NOSIP: variants seen among roughly 807,000 people sequenced by gnomAD.
The protein encoded by NOSIP is nitric oxide synthase-interacting protein.
NOSIP carries 25 observed loss-of-function variants against 36.4 expected under a neutral mutation model. The ratio of observed to expected loss-of-function variants is 0.69; its 90% confidence interval spans 0.50 to 0.96. The LOEUF is 0.96. Ranked by LOEUF, NOSIP falls within the 40% of genes least tolerant of loss-of-function variation. The pLI is 0.00. For missense variants in NOSIP, 370 were observed against 429.0 expected, an observed-to-expected ratio of 0.86 and a Z score of 1.21; for synonymous variants, 187 against 179.2, an observed-to-expected ratio of 1.04 and a Z score of -0.35.
intron 1 of NOSIP, among the ~76,000 whole-genome samples, chr19:49,572,708 T>G (rs1351255176): frequency 1.3e-5 from 2 of 151,756 alleles, no homozygotes; most frequent in Non-Finnish European, 2.9e-5. Flanking sequence ...GAGCAGTGGC[T>G]CACGCCTGTA....
At position 49,560,424 on chromosome 19, in the gene NOSIP, C is replaced by A. The variant is rs564765771; in HGVS notation, c.70+198G>T. The A allele has an allele frequency of 1.7e-6, 1 of 603,442 alleles. No individual in the cohort carries two copies. The highest frequency in any genetic ancestry group is 3.0e-6 in the Non-Finnish European group (1 of 335,378). The allele number at this position is 603,442 out of a possible 1,614,324, so 37.4% of individuals were successfully genotyped here. On this transcript the variant is annotated intron_variant, in intron 2 of 8. Coordinates refer to ENST00000596358, the MANE Select transcript of NOSIP (RefSeq NM_001270960.2). The surrounding 1 kb of genome is among the most constrained non-coding windows in gnomAD (Gnocchi z 4.6). The stretch of plus-strand genomic sequence containing the variant: ...CTCTGTTGGGAGGAGTGAGTTCATG[C>A]GCAGAAGGCAGAGAACACAGTGCCG...
intron 1 of NOSIP, among the ~76,000 whole-genome samples, chr19:49,561,277 A>G (rs1324251756): frequency 6.6e-6 from 1 of 152,180 alleles, no homozygotes; most frequent in Non-Finnish European, 1.5e-5. Context: ...AGGTCAGAGT[A>G]GGGCTCTGTG....
chr19:49,578,903 A>G (rs10418197), intron 1 of NOSIP, among the ~76,000 whole-genome samples: 42,662 of 151,664 alleles, frequency 0.28, 6,662 homozygotes, highest in South Asian at 0.43. Context: ...GATTACAGGC[A>G]TGAGCCACTG....
chr19:49,557,237 G>T lies in NOSIP; in HGVS notation c.271C>A (p.Gln91Lys). 6.3e-7 allele frequency: 1 copy of T among 1,588,668 alleles called. No individual in the cohort carries two copies. The highest frequency in any genetic ancestry group is 8.6e-7 in the Non-Finnish European group (1 of 1,168,482). The change falls in exon 5 of 9, where the codon CAG (glutamine) becomes AAG (lysine). Residue 91 changes from glutamine to lysine, a missense_variant. Around this residue, in one of 3 missense-constraint regions of NOSIP, gnomAD observed 315 missense variants for 331.9 expected, o/e 0.95. Transcript: ENST00000596358. ...TGCTCCTCGCGCCGGGTGCCCCGCT[G>T]CTTCTCGTAGGCCTGCGTCGGGGAA... ...IARQMKAYEK[Q>K]RGTRREEQKE...
At chr19:49,577,720 G>A (rs1007697417) in intron 1 of NOSIP, among the ~76,000 whole-genome samples, 2 of 120,830 alleles carry the variant, frequency 1.7e-5, no homozygotes, top group African/African-American at 3.2e-5. Context: ...AGCCATGATC[G>A]AACCACTGCA....
intron 1 of NOSIP, among the ~76,000 whole-genome samples, chr19:49,571,129 C>T (rs537021503): frequency 2.0e-5 from 3 of 150,634 alleles, no homozygotes; most frequent in Admixed American, 6.6e-5. Flanking sequence ...GGCGCCCACG[C>T]CCAGCTAATT....
rs546674882 is a variant in NOSIP, at chr19:49,574,645, G to A, written c.-2+5870C>T. 1.2e-4 allele frequency among the ~76,000 whole-genome samples: 19 copies of A among 152,230 alleles called. No homozygotes were observed. The East Asian group carries it at 3.3e-3, about 26-fold the overall frequency. On this transcript the variant is annotated intron_variant, in intron 1 of 8. Coordinates refer to ENST00000596358, the MANE Select transcript of NOSIP (RefSeq NM_001270960.2). Reference sequence around the variant, plus strand: ...TCTAAGTTCAGGCTACCAGCATTGTGGGGTTCTGGTGACACCCTCTTCCTG... The same window carrying A: ...TCTAAGTTCAGGCTACCAGCATTGTAGGGTTCTGGTGACACCCTCTTCCTG...
intron 1 of NOSIP, among the ~76,000 whole-genome samples, chr19:49,562,838 C>T (rs1301154972): frequency 6.6e-6 from 1 of 152,012 alleles, no homozygotes; most frequent in Non-Finnish European, 1.5e-5. Context: ...GGAGATTGCA[C>T]CACTACACTC....
chr19:49,572,473 T>C (rs2080498313), intron 1 of NOSIP, among the ~76,000 whole-genome samples: 2 of 145,074 alleles, frequency 1.4e-5, no homozygotes, highest in South Asian at 4.4e-4. Flanking sequence ...TGCAAAATAG[T>C]GCAATCTTGG....
intron 1 of NOSIP, among the ~76,000 whole-genome samples, chr19:49,572,900 G>A (rs1250444850): frequency 2.7e-5 from 4 of 150,600 alleles, no homozygotes; most frequent in Non-Finnish European, 1.5e-5. Flanking sequence ...CTTGAACCTG[G>A]GGGCAGAGGT....
intron 1 of NOSIP, among the ~76,000 whole-genome samples, chr19:49,578,843 T>TTGATCTCC (rs2080587446): frequency 6.6e-6 from 1 of 151,372 alleles, no homozygotes; most frequent in Non-Finnish European, 1.5e-5. Flanking sequence ...CAGGATGGTC[T>TTGATCTCC]TGATCTCCTG....
At chr19:49,575,173 A>G (rs1402440168) in intron 1 of NOSIP, among the ~76,000 whole-genome samples, 2 of 151,796 alleles carry the variant, frequency 1.3e-5, no homozygotes. Flanking sequence ...TCATTTTTGT[A>G]TTTTTAGTAG....
At chr19:49,569,018 G>A (rs112673105) in intron 1 of NOSIP, among the ~76,000 whole-genome samples, 14,069 of 151,058 alleles carry the variant, frequency 0.093, 786 homozygotes, top group African/African-American at 0.14. Context: ...GGTCACGATG[G>A]TCTCGAACTC....
In NOSIP at chr19:49,560,293, A is replaced by T. The variant is rs1297246468; in HGVS notation, c.71-254T>A. ...AGCTTGGTGGAGGGGCTGACGGCTG[A>T]CTCCCCTCCACCCTTCTGACTGTGA... On this transcript the variant is annotated intron_variant, in intron 2 of 8. Transcript: ENST00000596358. This position sits in a 1 kb window ranked among gnomAD's most constrained non-coding sequence, Gnocchi z 4.6. 7 of 566,996 alleles carry T rather than the reference A, an allele frequency of 1.2e-5. No homozygotes were observed. Among genetic ancestry groups the T allele is most frequent in the Non-Finnish European group, 2.2e-5 (7 of 318,078 alleles). 35.1% of individuals were successfully genotyped at this position (566,996 alleles called of 1,614,324 possible).
At chr19:49,569,327 G>GGA (rs2080454305) in intron 1 of NOSIP, among the ~76,000 whole-genome samples, 1 of 150,240 alleles carries the variant, frequency 6.7e-6, no homozygotes, top group African/African-American at 2.4e-5. Context: ...CTGAGTAGCT[G>GGA]GGACTACAGG....
chr19:49,557,606 G>A, intron 4 of NOSIP: 2 of 1,152,582 alleles, frequency 1.7e-6, no homozygotes, highest in Non-Finnish European at 2.1e-6. Context: ...CTGGCACTCA[G>A]CTAAGCATTT....
chr19:49,572,972 C>CA (rs5828405), intron 1 of NOSIP, among the ~76,000 whole-genome samples: 8,407 of 59,998 alleles, frequency 0.14, 1,007 homozygotes, highest in African/African-American at 0.37. Context: ...GACTGTGTCT[C>CA]AAAAAAAAAA....
chr19:49,559,148 A>G (rs532378653), intron 3 of NOSIP, 170 bp from the exon 4 acceptor site: 1 of 639,444 alleles, frequency 1.6e-6, no homozygotes, highest in African/African-American at 1.8e-5. Flanking sequence ...AGTTTACTGC[A>G]GTGAAAGGAT....
intron 1 of NOSIP, among the ~76,000 whole-genome samples, chr19:49,568,600 C>G (rs763270571): frequency 2.6e-4 from 40 of 151,948 alleles, no homozygotes; most frequent in Non-Finnish European, 4.7e-4. Context: ...ACTGATGGTA[C>G]ATGAAACTCC....
Sources: gnomAD v4.1 joint callset for allele counts (sites outside exome capture counted in the v4.1 genomes callset) on GRCh38, gnomAD v4.1.1 for gene constraint, gnomAD v4.1.1 regional missense constraint, Gnocchi (gnomAD v3.1) non-coding constraint, MANE v1.5 for transcripts, NCBI Gene and HGNC (gene_info 2026-07-23, HGNC 2026-07-21) for gene names.